CSTF3: variants seen among roughly 807,000 people sequenced by gnomAD.
CSTF3 encodes the protein CF-1 77 kDa subunit.
In CSTF3, 29 loss-of-function variants were observed where a neutral mutation model predicts 105.8. The ratio of observed to expected loss-of-function variants is 0.27; its 90% CI spans 0.20 to 0.37. The LOEUF (loss-of-function observed/expected upper bound fraction) is 0.37, where lower values mean the gene tolerates loss of function less well. Among genes scored for constraint, CSTF3 ranks in the 10% least tolerant of loss-of-function variants. The probability of loss-of-function intolerance (pLI) is 1.00; values close to 1 mark genes in which losing one functional copy is unlikely to be tolerated. For missense variants in CSTF3, 357 were observed against 879.3 expected, an observed-to-expected ratio of 0.41 and a Z score of 7.51; for synonymous variants, 252 against 281.9, an observed-to-expected ratio of 0.89 and a Z score of 1.06.
At chr11:33,132,634 C>A (rs765072031) in intron 3 of CSTF3, among the ~76,000 whole-genome samples, 6 of 151,860 alleles carry the variant, frequency 4.0e-5, no homozygotes, top group East Asian at 1.9e-4. Flanking sequence ...TAAAAAGGAA[C>A]CTTTTTGGCA....
chr11:33,113,662 A>T (rs1403417565), intron 3 of CSTF3, among the ~76,000 whole-genome samples: 1 of 152,200 alleles, frequency 6.6e-6, no homozygotes, highest in Non-Finnish European at 1.5e-5. Context: ...AAAATAATAA[A>T]TTTTTTAAAT....
chr11:33,096,050 G>A (rs537293739), intron 15 of CSTF3, among the ~76,000 whole-genome samples: 1 of 152,172 alleles, frequency 6.6e-6, no homozygotes, highest in East Asian at 1.9e-4. Context: ...TGTGTCTCCT[G>A]ACTCTGACTC....
intron 3 of CSTF3, chr11:33,141,329 A>T: frequency 2.3e-6 from 1 of 442,718 alleles, no homozygotes; most frequent in South Asian, 1.1e-4. Context: ...CATTCATATT[A>T]GTTTGTAAGT....
chr11:33,099,165 A>G lies in CSTF3; in HGVS notation c.937-15T>C. The G allele has an allele frequency of 6.4e-7, 1 of 1,571,558 alleles. No individual in the cohort carries two copies. The highest frequency in any genetic ancestry group is 1.2e-5 in the South Asian group (1 of 82,702). ...TTATTCATATCCTGGTAGAAAAAAA[A>G]GAAAGCTCATCTTCAATAATTTTAA... On this transcript the variant is annotated splice_polypyrimidine_tract_variant and intron_variant, in intron 11 of 20. Coordinates refer to ENST00000323959, the MANE Select transcript of CSTF3 (RefSeq NM_001326.3). The surrounding 1 kb of genome is among the most constrained non-coding windows in gnomAD (Gnocchi z 4.1).
intron 18 of CSTF3, 55 bp from the exon 19 acceptor site, chr11:33,086,044 G>C (rs938250323): frequency 8.9e-7 from 1 of 1,127,302 alleles, no homozygotes; most frequent in African/African-American, 1.6e-5. Context: ...TCTACACAGA[G>C]CTAAAATCAA....
intron 1 of CSTF3, among the ~76,000 whole-genome samples, chr11:33,147,515 A>C (rs1855799495): frequency 6.6e-6 from 1 of 151,664 alleles, no homozygotes; most frequent in South Asian, 2.1e-4. Context: ...GAATCGCTTG[A>C]GACCAGGAGG....
chr11:33,086,410 G>A (rs972584052), intron 18 of CSTF3, among the ~76,000 whole-genome samples: 4 of 151,664 alleles, frequency 2.6e-5, no homozygotes, highest in African/African-American at 9.7e-5. Flanking sequence ...GTTTCCACCA[G>A]CTGTTCAGGT....
At chr11:33,135,092 G>A (rs1252837577) in intron 3 of CSTF3, among the ~76,000 whole-genome samples, 1 of 152,162 alleles carries the variant, frequency 6.6e-6, no homozygotes, top group Non-Finnish European at 1.5e-5. Flanking sequence ...AAGGTTATCT[G>A]ATTCTTAGTT....
intron 3 of CSTF3, among the ~76,000 whole-genome samples, chr11:33,120,905 C>G (rs1855480483): frequency 6.6e-6 from 1 of 151,924 alleles, no homozygotes; most frequent in Non-Finnish European, 1.5e-5. Flanking sequence ...TTTAAAACCT[C>G]ACTTCAATAA....
intron 3 of CSTF3, among the ~76,000 whole-genome samples, chr11:33,120,166 A>G (rs1359520234): frequency 6.6e-6 from 1 of 151,752 alleles, no homozygotes; most frequent in African/African-American, 2.4e-5. Flanking sequence ...AAACACTGTA[A>G]ATGATAATTA....
At chr11:33,116,659 C>G (rs1855433911) in intron 3 of CSTF3, among the ~76,000 whole-genome samples, 1 of 152,122 alleles carries the variant, frequency 6.6e-6, no homozygotes. Flanking sequence ...ACACAGAAAA[C>G]CTTACTGAAT....
chr11:33,107,617 G>A lies in CSTF3; in HGVS notation c.356+286C>T, dbSNP rs867036439. Among the ~76,000 whole-genome samples the A allele has an allele frequency of 2.3e-5, 3 of 127,730 alleles. No individual in the cohort carries two copies. In the South Asian group the frequency reaches 8.5e-4, roughly 36 times the overall value. 83.8% of individuals were successfully genotyped at this position (127,730 alleles called of 152,430 possible). ...GTGGTACTAGCACAAGTATGAAGATGGTTTTTGAAAAAATTTGACAAGTCT... is the reference window on the plus strand; with the variant it reads ...GTGGTACTAGCACAAGTATGAAGATAGTTTTTGAAAAAATTTGACAAGTCT... On this transcript the variant is annotated intron_variant, in intron 5 of 20. Coordinates refer to ENST00000323959, the MANE Select transcript of CSTF3 (RefSeq NM_001326.3).
intron 15 of CSTF3, among the ~76,000 whole-genome samples, chr11:33,095,414 C>G (rs10767988): frequency 0.56 from 84,647 of 152,120 alleles, 26,152 homozygotes; most frequent in Non-Finnish European, 0.69. Flanking sequence ...ACATATTGTG[C>G]ACTGTTGTTA....
chr11:33,150,655 G>A (rs1326201863), intron 1 of CSTF3, among the ~76,000 whole-genome samples: 1 of 152,068 alleles, frequency 6.6e-6, no homozygotes, highest in African/African-American at 2.4e-5. Context: ...TCAGGAGTTG[G>A]AGACCAGCCT....
intron 1 of CSTF3, among the ~76,000 whole-genome samples, chr11:33,159,731 T>A: frequency 6.6e-6 from 1 of 151,530 alleles, no homozygotes; most frequent in Non-Finnish European, 1.5e-5. Context: ...TGTGATGGCG[T>A]CACAGCACTC....
At chr11:33,091,547 G>C (rs1349480322) in intron 16 of CSTF3, among the ~76,000 whole-genome samples, 2 of 152,096 alleles carry the variant, frequency 1.3e-5, no homozygotes, top group East Asian at 1.9e-4. Flanking sequence ...TTGTTCCTCT[G>C]TATGGTAAAA....
chr11:33,113,286 C>G (rs772379884), intron 3 of CSTF3, among the ~76,000 whole-genome samples: 1 of 151,812 alleles, frequency 6.6e-6, no homozygotes, highest in Non-Finnish European at 1.5e-5. Context: ...TTTTGCAAAA[C>G]TTACTAAGAC....
chr11:33,158,679 T>C (rs974786833), intron 1 of CSTF3, among the ~76,000 whole-genome samples: 2 of 152,202 alleles, frequency 1.3e-5, no homozygotes, highest in African/African-American at 4.8e-5. Context: ...CAGAAGTACC[T>C]GCTAATGTAA....
At chr11:33,085,379 C>CTATT (rs1855094459) in intron 20 of CSTF3, 90 bp from the exon 21 acceptor site, 3 of 806,944 alleles carry the variant, frequency 3.7e-6, no homozygotes, top group Admixed American at 3.4e-5. Flanking sequence ...TCATAGCCTA[C>CTATT]TATTTTAGCA....
Sources: gnomAD v4.1 joint callset for allele counts (sites outside exome capture counted in the v4.1 genomes callset) on GRCh38, gnomAD v4.1.1 for gene constraint, Gnocchi (gnomAD v3.1) non-coding constraint, MANE v1.5 for transcripts, NCBI Gene and HGNC (gene_info 2026-07-23, HGNC 2026-07-21) for gene names.